The following NLRP13 variants were observed in gnomAD, a reference collection of about 807,000 sequenced individuals.
NLRP13 encodes the protein NLR family pyrin domain containing 13, also known as NACHT, LRR and PYD domains-containing protein 13.
NLRP13 carries 82 observed loss-of-function variants against 94.4 expected under a neutral mutation model. The observed-to-expected ratio is 0.87, with a 90% CI of 0.73 to 1.04. NLRP13 has a LOEUF of 1.04. Ranked by LOEUF, NLRP13 falls within the 50% of genes least tolerant of loss-of-function variation. NLRP13 has a pLI of 0.00. For missense variants in NLRP13, 1,426 were observed against 1,230.8 expected (o/e 1.16, Z -2.37); for synonymous variants, 553 against 464.7 (o/e 1.19, Z -2.45).
intron 1 of NLRP13, among the ~76,000 whole-genome samples, chr19:55,930,423 C>T (rs542575704): frequency 6.6e-5 from 10 of 152,044 alleles, no homozygotes; most frequent in South Asian, 2.1e-4. Context: ...TGGTGGCTCA[C>T]GCCTGTAATC....
At chr19:55,896,313 A>G (rs1986008934) in intron 10 of NLRP13, among the ~76,000 whole-genome samples, 194 bp from the exon 11 acceptor site, 1 of 151,986 alleles carries the variant, frequency 6.6e-6, no homozygotes. Flanking sequence ...TCATGAGGTC[A>G]AGAGACAGAG....
At chr19:55,898,200 G>GTTTTTTTTTT (rs149121317) in intron 10 of NLRP13, among the ~76,000 whole-genome samples, 2 of 135,572 alleles carry the variant, frequency 1.5e-5, no homozygotes, top group Non-Finnish European at 1.6e-5. Flanking sequence ...GAGAGTTTTT[G>GTTTTTTTTTT]TTTTTGTTTT....
At chr19:55,916,893 G>C (rs949558413) in intron 4 of NLRP13, among the ~76,000 whole-genome samples, 2 of 152,028 alleles carry the variant, frequency 1.3e-5, no homozygotes, top group African/African-American at 4.8e-5. Flanking sequence ...ATTGCAAGAA[G>C]GGCCTCACTA....
At position 55,932,092 on chromosome 19, in the gene NLRP13, C is replaced by G; in HGVS notation, c.220G>C (p.Glu74Gln). ...CATGCCTGACCTTTTGGGAAGTGTTCATCCAAAAGAAAGGACAGATTCAAA... is the reference window on the plus strand; with the variant it reads ...CATGCCTGACCTTTTGGGAAGTGTTGATCCAAAAGAAAGGACAGATTCAAA... ...DPLNLSFLLDEHFPKGQAWKV... is the reference protein window; with the variant it reads ...DPLNLSFLLDQHFPKGQAWKV... The change falls in exon 1 of 11, where the codon GAA becomes CAA. Residue 74 changes from glutamate (E) to glutamine (Q), a missense_variant. Coordinates refer to ENST00000342929, the MANE Select transcript of NLRP13 (RefSeq NM_176810.2). 6.2e-7 allele frequency: 1 copy of G among 1,614,164 alleles called. No homozygotes were observed. Among genetic ancestry groups the G allele is most frequent in the Non-Finnish European group, 8.5e-7 (1 of 1,180,014 alleles).
chr19:55,902,368 C>T (rs1986212058), intron 8 of NLRP13, among the ~76,000 whole-genome samples, 163 bp from the exon 9 acceptor site: 1 of 152,166 alleles, frequency 6.6e-6, no homozygotes, highest in African/African-American at 2.4e-5. Context: ...ATGGCAGTAT[C>T]TTGCATACCA....
At chr19:55,907,613 G>A (rs1263937664) in intron 7 of NLRP13, among the ~76,000 whole-genome samples, 179 bp downstream of exon 7, 1 of 152,070 alleles carries the variant, frequency 6.6e-6, no homozygotes, top group African/African-American at 2.4e-5. Context: ...CCAAGGTGAG[G>A]CTAATATACA....
At chr19:55,925,460 C>T (rs1014703956) in intron 1 of NLRP13, among the ~76,000 whole-genome samples, 5 of 152,184 alleles carry the variant, frequency 3.3e-5, no homozygotes, top group Non-Finnish European at 5.9e-5. Flanking sequence ...GTGATTTATG[C>T]GTTATGTCTA....
chr19:55,930,971 A>T (rs1198151754), intron 1 of NLRP13, among the ~76,000 whole-genome samples: 1 of 149,262 alleles, frequency 6.7e-6, no homozygotes, highest in Non-Finnish European at 1.5e-5. Context: ...TATTACCACA[A>T]TAAACACTGC....
At chr19:55,918,881 G>A (rs887119047) in intron 4 of NLRP13, among the ~76,000 whole-genome samples, 10 of 151,998 alleles carry the variant, frequency 6.6e-5, no homozygotes, top group Non-Finnish European at 1.5e-4. Flanking sequence ...CTTTTATTAA[G>A]CCAGTATCAT....
downstream of NLRP13, chr19:55,892,130 TAAG>T (rs1175048772): frequency 2.1e-5 from 26 of 1,231,812 alleles, no homozygotes; most frequent in East Asian, 3.2e-5. Context: ...GCCTGCAAAA[TAAG>T]AAGTACTGAA....
intron 8 of NLRP13, 46 bp from the exon 9 acceptor site, chr19:55,902,251 A>G (rs1986206079): frequency 6.3e-7 from 1 of 1,581,020 alleles, no homozygotes; most frequent in East Asian, 2.3e-5. Flanking sequence ...GAAGCAGCCC[A>G]GACCCAGGCT....
chr19:55,899,759 G>A (rs946739879), intron 9 of NLRP13, among the ~76,000 whole-genome samples: 25 of 152,128 alleles, frequency 1.6e-4, no homozygotes, highest in African/African-American at 3.6e-4. Flanking sequence ...CAGCCTGGGC[G>A]ACAGAGCAAG....
intron 4 of NLRP13, among the ~76,000 whole-genome samples, chr19:55,915,658 G>A (rs1046059424): frequency 9.2e-5 from 14 of 151,908 alleles, no homozygotes; most frequent in East Asian, 5.8e-4. Context: ...GAGAATATTC[G>A]AGCCCAACAG....
chr19:55,911,767 A>G lies in NLRP13; in HGVS notation c.2050T>C (p.Leu684=). 1 of 1,613,878 alleles carries G rather than the reference A, an allele frequency of 6.2e-7. No individual in the cohort carries two copies. Among genetic ancestry groups the G allele is most frequent in the East Asian group, 2.2e-5 (1 of 44,874 alleles). The change falls in exon 5 of 11, where the codon TTA becomes CTA. Residue 684 remains leucine, a synonymous_variant. Transcript: ENST00000342929. The stretch of plus-strand genomic sequence containing the variant: ...CTAACAGAAAGCCTTAGCTTATTTA[A>G]CCTTTTACAGTGCTTTAGGCAAAAT... ...SSFCLKHCKR[L]NKLRLSVSSH...
downstream of NLRP13, among the ~76,000 whole-genome samples, chr19:55,895,698 AAAAAG>A (rs1237342582): frequency 3.3e-5 from 5 of 152,196 alleles, no homozygotes; most frequent in East Asian, 1.9e-4. Flanking sequence ...AGGTGAAAGA[AAAAAG>A]AAAACTACTA....
chr19:55,912,346 G>C lies in NLRP13; in HGVS notation c.1471C>G (p.Leu491Val). The change falls in exon 5 of 11, where the codon CTG becomes GTG. Residue 491 changes from leucine to valine, a missense_variant. Coordinates refer to ENST00000342929, the MANE Select transcript of NLRP13 (RefSeq NM_176810.2). The part of the protein sequence containing the change: ...RALCSLAIEG[L>V]WSMNFTFNKE... ...TTAAACGTGAAGTTCATAGACCACA[G>C]CCCTTCTATGGCCAGACTGCAGAGG... 2 of 1,614,100 alleles carry C rather than the reference G, an allele frequency of 1.2e-6. No homozygotes were observed. The highest frequency in any genetic ancestry group is 1.7e-6 in the Non-Finnish European group (2 of 1,179,996).
At chr19:55,895,246 G>C (rs1331048885), downstream of NLRP13, among the ~76,000 whole-genome samples, 1 of 151,636 alleles carries the variant, frequency 6.6e-6, no homozygotes, top group African/African-American at 2.4e-5. Context: ...GCCAGGCGTA[G>C]TGGCATGCAC....
intron 8 of NLRP13, among the ~76,000 whole-genome samples, chr19:55,903,579 C>T (rs908904870): frequency 2.0e-5 from 3 of 152,116 alleles, no homozygotes; most frequent in African/African-American, 7.2e-5. Context: ...CACGTAACAT[C>T]TCTGAATGGC....
Position 55,912,896 on chromosome 19 carries a change from C to T in NLRP13, c.921G>A (p.Leu307=). 1 of 1,614,202 alleles carries T rather than the reference C, an allele frequency of 6.2e-7. No individual in the cohort carries two copies. The highest frequency in any genetic ancestry group is 8.5e-7 in the Non-Finnish European group (1 of 1,180,036). The change falls in exon 5 of 11, where the codon CTG becomes CTA. Residue 307 remains leucine, a synonymous_variant. Coordinates refer to ENST00000342929, the MANE Select transcript of NLRP13 (RefSeq NM_176810.2). ...EEFMSQPEKL[L]FIIDGFEEII... is the part of the protein sequence containing the mutation. Reference sequence around the variant, plus strand: ...TTTCCTCAAAGCCATCAATAATAAACAGGAGCTTCTCTGGTTGAGACATGA... The same window carrying T: ...TTTCCTCAAAGCCATCAATAATAAATAGGAGCTTCTCTGGTTGAGACATGA...
Sources: gnomAD v4.1 joint callset for allele counts (sites outside exome capture counted in the v4.1 genomes callset) on GRCh38, gnomAD v4.1.1 for gene constraint, MANE v1.5 for transcripts, NCBI Gene and HGNC (gene_info 2026-07-23, HGNC 2026-07-21) for gene names.